Variants in EYA2 observed in about 807,000 individuals in gnomAD.
EYA2 encodes the protein protein phosphatase EYA2.
In EYA2, 31 loss-of-function variants were observed where a neutral mutation model predicts 69.2. The ratio of observed to expected loss-of-function variants is 0.45; its 90% CI spans 0.34 to 0.60. The LOEUF (loss-of-function observed/expected upper bound fraction) is 0.60, where lower values mean the gene tolerates loss of function less well. EYA2 is among the 20% of genes least tolerant of loss of function. EYA2 has a pLI of 0.02. For missense variants in EYA2, 622 were observed against 701.2 expected (o/e 0.89, Z 1.28); for synonymous variants, 257 against 279.4 (o/e 0.92, Z 0.80).
intron 4 of EYA2, among the ~76,000 whole-genome samples, chr20:47,012,505 T>C (rs991945705): frequency 2.0e-5 from 3 of 152,244 alleles, no homozygotes; most frequent in African/African-American, 4.8e-5. Context: ...TATTTACTTA[T>C]TTATTTGAGA....
At chr20:47,005,218 G>T in intron 4 of EYA2, 134 bp downstream of exon 4, 1 of 986,816 alleles carries the variant, frequency 1.0e-6, no homozygotes, top group Non-Finnish European at 1.5e-6. Context: ...AAAGGGAAAA[G>T]AGTAACACTT....
chr20:47,165,695 G>A (rs2034168270), intron 10 of EYA2, among the ~76,000 whole-genome samples: 1 of 152,142 alleles, frequency 6.6e-6, no homozygotes, highest in African/African-American at 2.4e-5. Flanking sequence ...CAAGGACTCT[G>A]GAAACAAGCC....
At chr20:46,950,073 T>C (rs1225683292) in intron 1 of EYA2, among the ~76,000 whole-genome samples, 1 of 152,200 alleles carries the variant, frequency 6.6e-6, no homozygotes, top group Non-Finnish European at 1.5e-5. Flanking sequence ...CTCAACACAG[T>C]GCCTGGCACA....
At chr20:47,102,035 A>C (rs1302251538) in intron 9 of EYA2, among the ~76,000 whole-genome samples, 6 of 152,248 alleles carry the variant, frequency 3.9e-5, no homozygotes, top group African/African-American at 1.4e-4. Flanking sequence ...AAGCACAATA[A>C]TTGAAAAACC....
chr20:47,178,488 C>T (rs199938136), intron 12 of EYA2, among the ~76,000 whole-genome samples: 1 of 151,544 alleles, frequency 6.6e-6, no homozygotes, highest in Non-Finnish European at 1.5e-5. Flanking sequence ...AGGGAACAAA[C>T]GAGGCCTCCA....
chr20:47,034,140 T>A (rs1984566435), intron 5 of EYA2, among the ~76,000 whole-genome samples: 1 of 152,258 alleles, frequency 6.6e-6, no homozygotes, highest in Non-Finnish European at 1.5e-5. Context: ...TTTAAGGTCT[T>A]TGGCAGACAA....
chr20:46,969,309 C>G (rs994174186), intron 1 of EYA2, among the ~76,000 whole-genome samples: 1 of 152,164 alleles, frequency 6.6e-6, no homozygotes, highest in Non-Finnish European at 1.5e-5. Context: ...CCTCCGCCTC[C>G]TGGGCTCAAG....
At chr20:46,950,799 C>G (rs112100140) in intron 1 of EYA2, among the ~76,000 whole-genome samples, 77 of 152,254 alleles carry the variant, frequency 5.1e-4, no homozygotes, top group African/African-American at 1.7e-3. Context: ...AAGCTGACCT[C>G]AAGATCAGGG....
At chr20:47,008,294 C>T (rs1982845721) in intron 4 of EYA2, among the ~76,000 whole-genome samples, 1 of 152,206 alleles carries the variant, frequency 6.6e-6, no homozygotes, top group Admixed American at 6.5e-5. Flanking sequence ...GGTTAAATAA[C>T]TTACCCAAGG....
At chr20:46,901,313 C>G (rs1984094065) in intron 1 of EYA2, 1 of 152,238 alleles carries the variant, frequency 6.6e-6, no homozygotes, top group South Asian at 2.1e-4. Flanking sequence ...AGTTTCTTCA[C>G]CTCCCATTCC....
At chr20:47,151,506 C>T (rs768531945) in intron 10 of EYA2, among the ~76,000 whole-genome samples, 25 of 151,846 alleles carry the variant, frequency 1.6e-4, no homozygotes, top group Non-Finnish European at 3.4e-4. Flanking sequence ...AACATCCATG[C>T]TCCCCACTAC....
At chr20:47,025,893 G>A (rs1391294766) in intron 5 of EYA2, among the ~76,000 whole-genome samples, 1 of 152,230 alleles carries the variant, frequency 6.6e-6, no homozygotes, top group African/African-American at 2.4e-5. Flanking sequence ...TCTCAGGGCA[G>A]TAGTAATTTC....
intron 5 of EYA2, among the ~76,000 whole-genome samples, chr20:47,066,794 C>T (rs566117364): frequency 6.6e-6 from 1 of 152,332 alleles, no homozygotes; most frequent in East Asian, 1.9e-4. Flanking sequence ...CTCCAGGAGA[C>T]CTGCCACCAT....
intron 15 of EYA2, among the ~76,000 whole-genome samples, chr20:47,185,316 T>G (rs2034617620): frequency 1.2e-5 from 1 of 83,178 alleles, no homozygotes; most frequent in African/African-American, 6.6e-5. Flanking sequence ...TTTTTTTTTT[T>G]TTGAGACAGA....
At chr20:46,905,823 T>C (rs1394425384) in intron 1 of EYA2, among the ~76,000 whole-genome samples, 1 of 152,160 alleles carries the variant, frequency 6.6e-6, no homozygotes, top group Non-Finnish European at 1.5e-5. Flanking sequence ...GTTATACGAC[T>C]TAAATAAAAT....
intron 5 of EYA2, among the ~76,000 whole-genome samples, chr20:47,064,644 A>T (rs938651766): frequency 1.3e-5 from 2 of 152,004 alleles, no homozygotes; most frequent in African/African-American, 4.8e-5. Flanking sequence ...TCACCAACAC[A>T]TTTTTTCTTT....
intron 1 of EYA2, among the ~76,000 whole-genome samples, chr20:46,951,212 C>T (rs182342846): frequency 3.9e-5 from 6 of 152,272 alleles, no homozygotes; most frequent in Admixed American, 1.3e-4. Context: ...GGTCATGAGG[C>T]TGGCACATTA....
At chr20:47,172,928 G>T (rs1443105598) in intron 12 of EYA2, 61 bp downstream of exon 12, 5 of 1,538,150 alleles carry the variant, frequency 3.3e-6, no homozygotes, top group Non-Finnish European at 4.4e-6. Flanking sequence ...GATGCTGTCA[G>T]TGTCCCTGCT....
In EYA2 at chr20:46,964,727, CTG is replaced by C. The variant is rs765110752; in HGVS notation, c.-10-25273_-10-25272del. On this transcript the variant is annotated intron_variant, in intron 1 of 15. Transcript: ENST00000327619. ...GATTCCCGTTTCACAGATGAGGAAA[CTG>C]AGACCAAGAAAGGATGTTACTTGCC... Among the ~76,000 whole-genome samples the C allele has an allele frequency of 6.6e-5, 10 of 152,194 alleles. No homozygotes were observed. In the East Asian group the frequency reaches 1.7e-3, roughly 26 times the overall value.
Sources: allele counts gnomAD v4.1 joint callset (sites outside exome capture counted in the v4.1 genomes callset), GRCh38; gene constraint gnomAD v4.1.1; transcripts MANE v1.5; gene names NCBI Gene and HGNC (gene_info 2026-07-23, HGNC 2026-07-21).